ARHGAP24: variants seen among roughly 807,000 people sequenced by gnomAD.
ARHGAP24 encodes rho GTPase-activating protein 24.
Under a neutral mutation model 76.4 loss-of-function variants are expected in ARHGAP24, and 50 were observed. The observed-to-expected ratio is 0.65, with a 90% CI of 0.52 to 0.83. The LOEUF (loss-of-function observed/expected upper bound fraction) is 0.83, where lower values mean the gene tolerates loss of function less well. Ranked by LOEUF, ARHGAP24 falls within the 40% of genes least tolerant of loss-of-function variation. The probability of loss-of-function intolerance (pLI) is 0.00; values close to 1 mark genes in which losing one functional copy is unlikely to be tolerated. For missense variants in ARHGAP24, 930 were observed against 914.2 expected, an observed-to-expected ratio of 1.02 and a Z score of -0.22; for synonymous variants, 345 against 323.3, an observed-to-expected ratio of 1.07 and a Z score of -0.72.
intron 2 of ARHGAP24, among the ~76,000 whole-genome samples, chr4:85,599,075 A>AT (rs1411943765): frequency 1.3e-5 from 2 of 152,182 alleles, no homozygotes; most frequent in Non-Finnish European, 2.9e-5. Flanking sequence ...CACATTTCAC[A>AT]TACTCAATAA....
At chr4:85,693,401 C>T (rs576233764) in intron 2 of ARHGAP24, among the ~76,000 whole-genome samples, 58 of 152,320 alleles carry the variant, frequency 3.8e-4, no homozygotes, top group Non-Finnish European at 7.4e-4. Context: ...GACTCACTCG[C>T]CTGCCAGCCC....
chr4:85,653,432 T>C (rs1234740530), intron 2 of ARHGAP24, among the ~76,000 whole-genome samples: 1 of 152,142 alleles, frequency 6.6e-6, no homozygotes, highest in Non-Finnish European at 1.5e-5. Context: ...CACTGTCCAG[T>C]ATATCATTTA....
intron 3 of ARHGAP24, among the ~76,000 whole-genome samples, chr4:85,771,183 T>G (rs1043666191): frequency 6.6e-6 from 1 of 152,198 alleles, no homozygotes; most frequent in African/African-American, 2.4e-5. Flanking sequence ...AGGAGATTTC[T>G]TATGAGGGAT....
chr4:85,996,725 A>C (rs1740683815), intron 9 of ARHGAP24, among the ~76,000 whole-genome samples: 1 of 152,166 alleles, frequency 6.6e-6, no homozygotes, highest in African/African-American at 2.4e-5. Flanking sequence ...GAGTGACAGG[A>C]GATTTAAAGA....
At chr4:85,689,171 A>G (rs1723539362) in intron 2 of ARHGAP24, among the ~76,000 whole-genome samples, 1 of 152,132 alleles carries the variant, frequency 6.6e-6, no homozygotes, top group Non-Finnish European at 1.5e-5. Flanking sequence ...CATTCTTCCA[A>G]TCCATCAGCA....
At chr4:85,899,502 G>T (rs1414690369) in intron 3 of ARHGAP24, among the ~76,000 whole-genome samples, 1 of 152,098 alleles carries the variant, frequency 6.6e-6, no homozygotes, top group African/African-American at 2.4e-5. Flanking sequence ...GACAAATAAG[G>T]TAGATACATT....
At chr4:85,680,421 A>G (rs764212527) in intron 2 of ARHGAP24, among the ~76,000 whole-genome samples, 30 of 152,160 alleles carry the variant, frequency 2.0e-4, no homozygotes, top group Non-Finnish European at 4.0e-4. Flanking sequence ...CAAAATTGAA[A>G]TCGCTTAATA....
At chr4:85,716,323 G>A (rs546862235) in intron 2 of ARHGAP24, among the ~76,000 whole-genome samples, 19 of 152,032 alleles carry the variant, frequency 1.2e-4, no homozygotes, top group Admixed American at 4.6e-4. Context: ...AAATTGTGTC[G>A]CTTTTGCCAA....
intron 5 of ARHGAP24, among the ~76,000 whole-genome samples, chr4:85,955,234 C>A (rs2148835970): frequency 6.6e-6 from 1 of 151,954 alleles, no homozygotes; most frequent in South Asian, 2.1e-4. Context: ...CGCCTACCCC[C>A]CACCCCGACC....
chr4:85,832,343 G>A (rs1578272997), intron 3 of ARHGAP24, among the ~76,000 whole-genome samples: 1 of 152,144 alleles, frequency 6.6e-6, no homozygotes, highest in Non-Finnish European at 1.5e-5. Flanking sequence ...GGTGGTTGAG[G>A]TATGGGCTCT....
rs193075815 is a variant in ARHGAP24, at chr4:85,484,757, T to C, written c.-21+9198T>C. Among the ~76,000 whole-genome samples, 749 of 152,120 alleles carry C rather than the reference T, an allele frequency of 4.9e-3. 6 individuals carry two copies. Among genetic ancestry groups the C allele is most frequent in the African/African-American group, 0.017 (708 of 41,496 alleles). On this transcript the variant is annotated intron_variant, in intron 1 of 9. Coordinates refer to ENST00000395184, the MANE Select transcript of ARHGAP24 (RefSeq NM_001025616.3). The stretch of plus-strand genomic sequence containing the variant: ...GTAGCCTCCCGAGTAGCTGGGACTA[T>C]AGGCGTGCACCACCATGCCAGGCTG...
At chr4:85,668,954 C>T (rs1052888151) in intron 2 of ARHGAP24, among the ~76,000 whole-genome samples, 1 of 152,124 alleles carries the variant, frequency 6.6e-6, no homozygotes, top group African/African-American at 2.4e-5. Flanking sequence ...CTAAGATGAA[C>T]ATTGAAAGTG....
chr4:85,612,282 T>G (rs1236227404), intron 2 of ARHGAP24, among the ~76,000 whole-genome samples: 1 of 143,976 alleles, frequency 6.9e-6, no homozygotes, highest in Admixed American at 7.2e-5. Context: ...CTGGGCGTGG[T>G]GGTGGGCGCC....
At chr4:85,926,297 A>T (rs1456514567) in intron 4 of ARHGAP24, among the ~76,000 whole-genome samples, 2 of 152,232 alleles carry the variant, frequency 1.3e-5, no homozygotes, top group Admixed American at 6.5e-5. Flanking sequence ...ATTTTAGCAT[A>T]TAGCACTCAT....
intron 3 of ARHGAP24, among the ~76,000 whole-genome samples, chr4:85,907,863 A>G (rs1216216268): frequency 6.6e-6 from 1 of 152,112 alleles, no homozygotes; most frequent in African/African-American, 2.4e-5. Flanking sequence ...CGGATCCTCT[A>G]ATAGTGGAGA....
intron 1 of ARHGAP24, among the ~76,000 whole-genome samples, chr4:85,491,246 C>A (rs1234775832): frequency 6.6e-6 from 1 of 152,056 alleles, no homozygotes; most frequent in Non-Finnish European, 1.5e-5. Context: ...GGTTTTAGAT[C>A]ATAATTTTTT....
At chr4:85,641,240 G>T (rs368719114) in intron 2 of ARHGAP24, among the ~76,000 whole-genome samples, 3 of 152,248 alleles carry the variant, frequency 2.0e-5, no homozygotes, top group African/African-American at 2.4e-5. Context: ...GGACTCAGGT[G>T]TGCAACACCA....
At chr4:85,728,851 G>A (rs1013407814) in intron 3 of ARHGAP24, among the ~76,000 whole-genome samples, 8 of 152,100 alleles carry the variant, frequency 5.3e-5, no homozygotes, top group African/African-American at 1.9e-4. Context: ...GACTCCTTCT[G>A]GGTTGAATAA....
chr4:85,912,503 A>T (rs1735147215), intron 3 of ARHGAP24, among the ~76,000 whole-genome samples: 1 of 152,228 alleles, frequency 6.6e-6, no homozygotes, highest in African/African-American at 2.4e-5. Context: ...TTACACTACT[A>T]CAATAATCAG....
Sources: allele counts gnomAD v4.1 joint callset (sites outside exome capture counted in the v4.1 genomes callset), GRCh38; gene constraint gnomAD v4.1.1; transcripts MANE v1.5; gene names NCBI Gene and HGNC (gene_info 2026-07-23, HGNC 2026-07-21).